Variants in XYLT1 observed in about 807,000 individuals in gnomAD.
XYLT1 encodes the protein beta-D-xylosyltransferase 1.
XYLT1 carries 36 observed loss-of-function variants against 91.3 expected under a neutral mutation model. The observed-to-expected ratio is 0.39, with a 90% CI of 0.30 to 0.52. The LOEUF (loss-of-function observed/expected upper bound fraction) is 0.52, where lower values mean the gene tolerates loss of function less well. Ranked by LOEUF, XYLT1 falls within the 20% of genes least tolerant of loss-of-function variation. XYLT1 has a pLI of 0.68. For synonymous variants in XYLT1, 588 were observed against 532.0 expected, an observed-to-expected ratio of 1.11 and a Z score of -1.45; for missense variants, 1,242 against 1,284.5, an observed-to-expected ratio of 0.97 and a Z score of 0.51.
At chr16:17,238,676 C>T (rs1398633298) in intron 3 of XYLT1, among the ~76,000 whole-genome samples, 1 of 152,248 alleles carries the variant, frequency 6.6e-6, no homozygotes, top group Non-Finnish European at 1.5e-5. Flanking sequence ...TTGTCTTCAG[C>T]ATCTATGCTT....
intron 5 of XYLT1, among the ~76,000 whole-genome samples, chr16:17,188,635 C>CT (rs1203288380): frequency 1.3e-5 from 2 of 152,170 alleles, no homozygotes; most frequent in Admixed American, 1.3e-4. Context: ...TCCTTCATTC[C>CT]TTTTTTTCAC....
intron 1 of XYLT1, among the ~76,000 whole-genome samples, chr16:17,373,819 C>G (rs553280515): frequency 2.6e-5 from 4 of 152,204 alleles, no homozygotes; most frequent in African/African-American, 7.2e-5. Flanking sequence ...GAACACTGCT[C>G]GTGAACACTA....
intron 2 of XYLT1, among the ~76,000 whole-genome samples, chr16:17,301,490 A>G (rs1421498708): frequency 6.6e-6 from 1 of 152,172 alleles, no homozygotes; most frequent in African/African-American, 2.4e-5. Context: ...ATCTTTTCCC[A>G]CAGTATTTAA....
At chr16:17,423,737 T>C (rs2036277506) in intron 1 of XYLT1, among the ~76,000 whole-genome samples, 1 of 152,058 alleles carries the variant, frequency 6.6e-6, no homozygotes, top group South Asian at 2.1e-4. Context: ...TGCTTCAGTC[T>C]CCTGAGTGGC....
At chr16:17,352,068 C>A (rs556363377) in intron 2 of XYLT1, among the ~76,000 whole-genome samples, 2 of 152,152 alleles carry the variant, frequency 1.3e-5, no homozygotes, top group East Asian at 3.9e-4. Context: ...TGCAGTGAAC[C>A]GAGATGGAGT....
At chr16:17,142,175 C>T (rs144618816) in intron 6 of XYLT1, among the ~76,000 whole-genome samples, 17 of 152,284 alleles carry the variant, frequency 1.1e-4, no homozygotes, top group East Asian at 3.9e-4. Context: ...AGGCATGCAC[C>T]GCCATGTCTG....
chr16:17,232,531 T>C (rs1409067432), intron 3 of XYLT1, among the ~76,000 whole-genome samples: 1 of 150,714 alleles, frequency 6.6e-6, no homozygotes, highest in African/African-American at 2.5e-5. Flanking sequence ...TATGGTATGT[T>C]CTCAGTAATG....
Position 17,184,725 on chromosome 16 carries a change from T to C in XYLT1, c.1289+13487A>G, listed in dbSNP as rs188663197. ...CTGGTCTAGAGCATTGCCTAATATC[T>C]AGCAGAATCTCAATGAGCATCTATT... On this transcript the variant is annotated intron_variant, in intron 5 of 11. Coordinates refer to ENST00000261381, the MANE Select transcript of XYLT1 (RefSeq NM_022166.4). 3.7e-4 allele frequency among the ~76,000 whole-genome samples: 57 copies of C among 152,296 alleles called. No individual in the cohort carries two copies. The East Asian group carries it at 0.01, about 27-fold the overall frequency.
chr16:17,355,697 A>T (rs1232607640), intron 2 of XYLT1, among the ~76,000 whole-genome samples: 1 of 152,114 alleles, frequency 6.6e-6, no homozygotes, highest in African/African-American at 2.4e-5. Context: ...TCTCAACACC[A>T]TTAGTATTTA....
chr16:17,115,646 T>C (rs1486309588), intron 11 of XYLT1, among the ~76,000 whole-genome samples: 1 of 151,562 alleles, frequency 6.6e-6, no homozygotes, highest in Non-Finnish European at 1.5e-5. Context: ...ACTCGGCTAA[T>C]TTTTGTATTT....
chr16:17,163,993 G>A (rs1458171508), intron 5 of XYLT1, among the ~76,000 whole-genome samples: 3 of 124,650 alleles, frequency 2.4e-5, no homozygotes, highest in African/African-American at 9.0e-5. Flanking sequence ...AGGAGAGATC[G>A]CGCCACTGTA....
intron 5 of XYLT1, among the ~76,000 whole-genome samples, chr16:17,190,365 T>C (rs1204440337): frequency 6.6e-6 from 1 of 152,144 alleles, no homozygotes; most frequent in African/African-American, 2.4e-5. Flanking sequence ...TACATATGTA[T>C]ACATGTGCCA....
chr16:17,434,487 G>A (rs1175592553), intron 1 of XYLT1, among the ~76,000 whole-genome samples: 1 of 152,142 alleles, frequency 6.6e-6, no homozygotes, highest in African/African-American at 2.4e-5. Flanking sequence ...TAAGAAAAGT[G>A]AGCTATAAAC....
intron 1 of XYLT1, among the ~76,000 whole-genome samples, chr16:17,389,984 C>T (rs2035795764): frequency 6.6e-6 from 1 of 152,118 alleles, no homozygotes; most frequent in Non-Finnish European, 1.5e-5. Context: ...GTGCCCTGTA[C>T]CTGCTTTAGT....
chr16:17,118,802 C>T lies in XYLT1; in HGVS notation c.2224-823G>A, dbSNP rs185054162. ...CTCACCCCATCCTCCATCTCCATGA[C>T]CCCCTCCCCATCTTTCTCCAGGATG... On this transcript the variant is annotated intron_variant, in intron 10 of 11. Transcript: ENST00000261381. Among the ~76,000 whole-genome samples, 622 of 152,206 alleles carry T rather than the reference C, an allele frequency of 4.1e-3. 3 individuals are homozygous for T. The highest frequency in any genetic ancestry group is 0.014 in the African/African-American group (588 of 41,520).
At chr16:17,447,519 T>C (rs1453219503) in intron 1 of XYLT1, among the ~76,000 whole-genome samples, 1 of 152,260 alleles carries the variant, frequency 6.6e-6, no homozygotes, top group Non-Finnish European at 1.5e-5. Context: ...AGACATGCCG[T>C]CCTGCTGCTG....
At chr16:17,274,561 A>T (rs979885451) in intron 2 of XYLT1, among the ~76,000 whole-genome samples, 2 of 152,196 alleles carry the variant, frequency 1.3e-5, no homozygotes, top group African/African-American at 4.8e-5. Flanking sequence ...AAGTTATTTT[A>T]ATATAGGACC....
At chr16:17,264,621 C>A (rs1316284118) in intron 2 of XYLT1, among the ~76,000 whole-genome samples, 3 of 152,178 alleles carry the variant, frequency 2.0e-5, no homozygotes, top group African/African-American at 7.2e-5. Flanking sequence ...CAAAACCAAT[C>A]TTGGGAGGTC....
At chr16:17,365,439 T>A (rs907559034) in intron 1 of XYLT1, among the ~76,000 whole-genome samples, 2 of 152,080 alleles carry the variant, frequency 1.3e-5, no homozygotes, top group African/African-American at 4.8e-5. Flanking sequence ...AAAGACTGCA[T>A]TTGGAATGTG....
Sources: gnomAD v4.1 joint callset for allele counts (sites outside exome capture counted in the v4.1 genomes callset) on GRCh38, gnomAD v4.1.1 for gene constraint, MANE v1.5 for transcripts, NCBI Gene and HGNC (gene_info 2026-07-23, HGNC 2026-07-21) for gene names.